The following PKIA variants were observed in gnomAD, a reference collection of about 807,000 sequenced individuals.
The protein encoded by PKIA is cAMP-dependent protein kinase inhibitor alpha, also known as PKI-alpha.
Under a neutral mutation model 7.6 loss-of-function variants are expected in PKIA, and 4 were observed. The ratio of observed to expected loss-of-function variants is 0.52; its 90% CI spans 0.26 to 1.20. The LOEUF (loss-of-function observed/expected upper bound fraction) is 1.20, where lower values mean the gene tolerates loss of function less well. PKIA is among the 50% of genes most tolerant of loss of function. The pLI is 0.13. For missense variants in PKIA, 73 were observed against 86.2 expected (o/e 0.85, Z 0.61); for synonymous variants, 21 against 30.7 (o/e 0.68, Z 1.04).
At chr8:78,570,041 C>A (rs533559156) in intron 1 of PKIA, among the ~76,000 whole-genome samples, 1 of 151,754 alleles carries the variant, frequency 6.6e-6, no homozygotes, top group African/African-American at 2.4e-5. Context: ...ACCTGTGGAA[C>A]GAAAAATAAA....
intron 1 of PKIA, among the ~76,000 whole-genome samples, chr8:78,516,906 T>C (rs1379174924): frequency 6.6e-6 from 1 of 152,154 alleles, no homozygotes; most frequent in East Asian, 1.9e-4. Context: ...TTTCCAGTTA[T>C]CAGAATGGGT....
At chr8:78,562,626 G>C (rs1807311788) in intron 1 of PKIA, among the ~76,000 whole-genome samples, 1 of 152,082 alleles carries the variant, frequency 6.6e-6, no homozygotes, top group South Asian at 2.1e-4. Context: ...GCTTAGATCA[G>C]TTTCCCTCTA....
intron 1 of PKIA, among the ~76,000 whole-genome samples, chr8:78,530,216 G>A (rs1348248631): frequency 1.3e-5 from 2 of 151,988 alleles, no homozygotes; most frequent in African/African-American, 4.8e-5. Context: ...TTATTTTGCA[G>A]ACAATGAATT....
chr8:78,593,054 A>T (rs1264689688), intron 2 of PKIA, among the ~76,000 whole-genome samples: 2 of 152,180 alleles, frequency 1.3e-5, no homozygotes, highest in South Asian at 4.1e-4. Flanking sequence ...CATCTGAAAA[A>T]TGAGGATTTG....
intron 1 of PKIA, among the ~76,000 whole-genome samples, chr8:78,543,535 C>A (rs982220241): frequency 1.3e-5 from 2 of 151,954 alleles, no homozygotes; most frequent in African/African-American, 4.8e-5. Flanking sequence ...TCTTATTTTC[C>A]CATCAATTCT....
chr8:78,579,869 T>C (rs1807766198), intron 2 of PKIA, among the ~76,000 whole-genome samples: 1 of 152,042 alleles, frequency 6.6e-6, no homozygotes, highest in African/African-American at 2.4e-5. Context: ...TGACAAGGTC[T>C]TCAGGTGATT....
At chr8:78,547,520 T>G in intron 1 of PKIA, among the ~76,000 whole-genome samples, 1 of 152,344 alleles carries the variant, frequency 6.6e-6, no homozygotes, top group African/African-American at 2.4e-5. Context: ...TAACCACTTA[T>G]GTTACAAATG....
chr8:78,547,975 A>G (rs1806877142), intron 1 of PKIA, among the ~76,000 whole-genome samples: 1 of 152,160 alleles, frequency 6.6e-6, no homozygotes, highest in Admixed American at 6.6e-5. Context: ...CTCTAGGTTC[A>G]CTTTTCTCTG....
chr8:78,541,907 G>A (rs992049755), intron 1 of PKIA, among the ~76,000 whole-genome samples: 30 of 151,020 alleles, frequency 2.0e-4, no homozygotes, highest in African/African-American at 7.3e-4. Context: ...TGGTGGTTCA[G>A]ACCTGTAATC....
chr8:78,520,760 T>A (rs933120763), intron 1 of PKIA, among the ~76,000 whole-genome samples: 3 of 152,220 alleles, frequency 2.0e-5, no homozygotes, highest in Non-Finnish European at 4.4e-5. Context: ...TACAGAAGCA[T>A]ACACATATTA....
At chr8:78,584,854 C>G (rs1807911211) in intron 2 of PKIA, among the ~76,000 whole-genome samples, 1 of 152,050 alleles carries the variant, frequency 6.6e-6, no homozygotes, top group Non-Finnish European at 1.5e-5. Flanking sequence ...TCTCAGTTCA[C>G]AGAGACCTCT....
chr8:78,595,853 A>T (rs1585930851), intron 2 of PKIA, among the ~76,000 whole-genome samples: 2 of 152,174 alleles, frequency 1.3e-5, no homozygotes, highest in East Asian at 3.8e-4. Flanking sequence ...ATGTGTCTTT[A>T]TGGTAGAATG....
chr8:78,573,183 T>C (rs1807594363), intron 2 of PKIA, among the ~76,000 whole-genome samples: 1 of 152,088 alleles, frequency 6.6e-6, no homozygotes, highest in African/African-American at 2.4e-5. Context: ...GCTCCATGCA[T>C]GTGGTTTAAT....
At chr8:78,576,571 A>G (rs1401021668) in intron 2 of PKIA, among the ~76,000 whole-genome samples, 1 of 151,964 alleles carries the variant, frequency 6.6e-6, no homozygotes, top group Non-Finnish European at 1.5e-5. Context: ...GTTTTTTTGA[A>G]AAAATAGATG....
At chr8:78,596,616 T>G (rs184350847) in intron 2 of PKIA, among the ~76,000 whole-genome samples, 1 of 152,332 alleles carries the variant, frequency 6.6e-6, no homozygotes, top group Non-Finnish European at 1.5e-5. Flanking sequence ...ATTCTGTGGT[T>G]TGTTTGTTTA....
At chr8:78,556,216 A>G (rs1179788186) in intron 1 of PKIA, among the ~76,000 whole-genome samples, 2 of 152,118 alleles carry the variant, frequency 1.3e-5, no homozygotes, top group East Asian at 3.8e-4. Flanking sequence ...TGTTATTTAC[A>G]TGAGTCAGTA....
In PKIA at chr8:78,571,342, T is replaced by C. The variant is rs191263352; in HGVS notation, c.-156-1469T>C. Among the ~76,000 whole-genome samples the C allele has an allele frequency of 3.7e-4, 56 of 152,202 alleles. 1 individual carries two copies. The East Asian group carries it at 0.01, about 28-fold the overall frequency. On this transcript the variant is annotated intron_variant, in intron 1 of 3. Transcript: ENST00000396418. ...TTACAAGATAACCTTTAATACCCCA[T>C]TGCCACTGTATCCGATGCTGTCAGA... is the stretch of plus-strand genomic sequence containing the variant.
At chr8:78,580,492 G>T (rs1444966263) in intron 2 of PKIA, among the ~76,000 whole-genome samples, 1 of 152,004 alleles carries the variant, frequency 6.6e-6, no homozygotes, top group Admixed American at 6.6e-5. Context: ...GGTATACAGG[G>T]TATTGCAGAG....
intron 2 of PKIA, among the ~76,000 whole-genome samples, chr8:78,586,654 T>A (rs1807956324): frequency 6.6e-6 from 1 of 152,152 alleles, no homozygotes; most frequent in Non-Finnish European, 1.5e-5. Flanking sequence ...TGTTGAGATA[T>A]CAATAGACTA....
Sources: allele counts gnomAD v4.1 joint callset (sites outside exome capture counted in the v4.1 genomes callset), GRCh38; gene constraint gnomAD v4.1.1; transcripts MANE v1.5; gene names NCBI Gene and HGNC (gene_info 2026-07-23, HGNC 2026-07-21).